The following MSI1 variants were observed in gnomAD, a reference collection of about 807,000 sequenced individuals.
MSI1 encodes musashi RNA binding protein 1.
In MSI1, 15 loss-of-function variants were observed where a neutral mutation model predicts 54.4. That is an observed-to-expected ratio of 0.28 (90% CI 0.18 to 0.42). The LOEUF (loss-of-function observed/expected upper bound fraction) is 0.42. MSI1 is among the 20% of genes least tolerant of loss of function. The pLI, the probability that MSI1 is intolerant of heterozygous loss-of-function variation, is 1.00. For missense variants in MSI1, 304 were observed against 506.0 expected, an observed-to-expected ratio of 0.60 and a Z score of 3.83; for synonymous variants, 200 against 196.5, an observed-to-expected ratio of 1.02 and a Z score of -0.15.
chr12:120,349,932 T>C (rs1444080446), intron 11 of MSI1, among the ~76,000 whole-genome samples: 1 of 152,226 alleles, frequency 6.6e-6, no homozygotes, highest in Admixed American at 6.5e-5. Context: ...ATATAATAAG[T>C]ATTTGCTCCC....
At chr12:120,364,788 G>C in intron 4 of MSI1, 33 bp from the exon 5 acceptor site, 1 of 1,578,184 alleles carries the variant, frequency 6.3e-7, no homozygotes, top group South Asian at 1.2e-5. Context: ...AAGGGGTCTT[G>C]GTTATCGCAT....
chr12:120,347,059 C>T (rs1237201745), intron 12 of MSI1, among the ~76,000 whole-genome samples: 8 of 152,170 alleles, frequency 5.3e-5, no homozygotes, highest in African/African-American at 1.9e-4. Context: ...AAGCGATTCT[C>T]CTGCCTTGGC....
downstream of MSI1, among the ~76,000 whole-genome samples, chr12:120,340,109 GAC>G (rs1269710539): frequency 7.1e-6 from 1 of 140,072 alleles, no homozygotes; most frequent in African/African-American, 2.6e-5. Context: ...TTTTCTTTGA[GAC>G]AGTCTCACTC....
At chr12:120,360,955 A>G (rs1056875632) in intron 6 of MSI1, among the ~76,000 whole-genome samples, 1 of 152,006 alleles carries the variant, frequency 6.6e-6, no homozygotes, top group Non-Finnish European at 1.5e-5. Context: ...AAGCCTGGCT[A>G]TGAGAGGATT....
chr12:120,353,046 G>A (rs1874767417), intron 10 of MSI1, among the ~76,000 whole-genome samples: 1 of 151,920 alleles, frequency 6.6e-6, no homozygotes, highest in South Asian at 2.1e-4. Context: ...AGACAGGCAG[G>A]AGGCAGGCAG....
rs537867010 is a variant in MSI1, at chr12:120,366,483, C to T, written c.267+1525G>A. Among the ~76,000 whole-genome samples, 22 of 152,212 alleles carry T rather than the reference C, an allele frequency of 1.4e-4. No individual in the cohort carries two copies. The South Asian group carries it at 4.3e-3, about 30-fold the overall frequency. On this transcript the variant is annotated intron_variant, in intron 4 of 14. Coordinates refer to ENST00000257552, the MANE Select transcript of MSI1 (RefSeq NM_002442.4). The stretch of plus-strand genomic sequence containing the variant: ...TCCTTCTCTTTCTCCCAGAAGCAGC[C>T]GCCCCAGCCACCAGCGCACCACACA...
chr12:120,364,789 G>A (rs781413758), intron 4 of MSI1, 34 bp from the exon 5 acceptor site: 1 of 1,577,432 alleles, frequency 6.3e-7, no homozygotes, highest in Non-Finnish European at 8.6e-7. Flanking sequence ...AGGGGTCTTG[G>A]TTATCGCATT....
At chr12:120,345,500 C>T in intron 14 of MSI1, 70 bp downstream of exon 14, 1 of 1,407,986 alleles carries the variant, frequency 7.1e-7, no homozygotes, top group Non-Finnish European at 1.0e-6. Context: ...GGGTCTGTGT[C>T]CCAGATTCGA....
In MSI1 at chr12:120,368,845, GC is replaced by G; in HGVS notation, c.87del (p.Trp29CysfsTer18). The G allele has an allele frequency of 1.4e-6, 2 of 1,465,314 alleles. No homozygotes were observed. Among genetic ancestry groups the G allele is most frequent in the Non-Finnish European group, 1.8e-6 (2 of 1,098,204 alleles). 90.8% of individuals were successfully genotyped at this position (1,465,314 alleles called of 1,614,324 possible). ...PCKMFIGGLS[W>X]QTTQEGLREY... The stretch of plus-strand genomic sequence containing the variant: ...CGGGCTCGCTCACCCTGCGTAGTCT[GC>G]CAACTGAGTCCCCCGATGAACATCT... On this transcript the variant is annotated frameshift_variant, in exon 2 of 15. Transcript: ENST00000257552. LOFTEE classifies it high-confidence loss of function. This position sits in a 1 kb window ranked among gnomAD's most constrained non-coding sequence, Gnocchi z 6.6.
At chr12:120,352,912 T>C (rs1290104362) in intron 10 of MSI1, among the ~76,000 whole-genome samples, 1 of 152,182 alleles carries the variant, frequency 6.6e-6, no homozygotes, top group East Asian at 1.9e-4. Flanking sequence ...GAGCTCAGCC[T>C]AGAGCCTGGC....
Position 120,347,516 on chromosome 12 carries a change from T to C in MSI1, c.791-2A>G. ...GTCCGTAGGCAGTGAGAGGAATGGC[T>C]GAAAGGAAAGGGATGGGCACATCAG... On this transcript the variant is annotated splice_acceptor_variant, in intron 11 of 14. Coordinates refer to ENST00000257552, the MANE Select transcript of MSI1 (RefSeq NM_002442.4). LOFTEE classifies it high-confidence loss of function. 1 of 1,613,948 alleles carries C rather than the reference T, an allele frequency of 6.2e-7. No homozygotes were observed. Among genetic ancestry groups the C allele is most frequent in the Non-Finnish European group, 8.5e-7 (1 of 1,180,010 alleles).
At position 120,357,608 on chromosome 12, in the gene MSI1, C is replaced by T. The variant is rs138398871; in HGVS notation, c.534+208G>A. 9.3e-4 allele frequency among the ~76,000 whole-genome samples: 142 copies of T among 152,292 alleles called. 2 individuals are homozygous for T. The highest frequency in any genetic ancestry group is 5.3e-3 in the Admixed American group (81 of 15,304). On this transcript the variant is annotated intron_variant, in intron 8 of 14. Transcript: ENST00000257552. The stretch of plus-strand genomic sequence containing the variant: ...GCAACCTCCACCTCCCGGGTTCAAG[C>T]GATTCTCCTGCCTCAGCCTCCCAAG...
chr12:120,340,886 C>CTTTT (rs34926125), downstream of MSI1, among the ~76,000 whole-genome samples: 3 of 119,456 alleles, frequency 2.5e-5, no homozygotes, highest in Non-Finnish European at 3.4e-5. Flanking sequence ...TTCTCCTATT[C>CTTTT]TTTTTTTTTT....
chr12:120,343,487 G>A (rs1285323436), intron 14 of MSI1, among the ~76,000 whole-genome samples: 1 of 152,162 alleles, frequency 6.6e-6, no homozygotes, highest in Non-Finnish European at 1.5e-5. Context: ...GCCTCCCAAA[G>A]ATCTGGGATT....
chr12:120,367,079 G>T (rs1876062657), intron 4 of MSI1, among the ~76,000 whole-genome samples: 1 of 152,178 alleles, frequency 6.6e-6, no homozygotes, highest in Non-Finnish European at 1.5e-5. Context: ...GAGCCACTGG[G>T]CAGAGATAAC....
At chr12:120,353,807 C>T (rs757902033) in intron 9 of MSI1, among the ~76,000 whole-genome samples, 4 of 152,108 alleles carry the variant, frequency 2.6e-5, no homozygotes, top group African/African-American at 4.8e-5. Context: ...CATGCTGGTG[C>T]CTTTGCCTGG....
At chr12:120,352,234 T>C (rs1006053688) in intron 10 of MSI1, among the ~76,000 whole-genome samples, 2 of 152,022 alleles carry the variant, frequency 1.3e-5, no homozygotes, top group African/African-American at 4.8e-5. Context: ...CTCAAACTCA[T>C]GGGCTCAAGC....
At chr12:120,364,366 C>T (rs1369694327) in intron 5 of MSI1, among the ~76,000 whole-genome samples, 2 of 152,092 alleles carry the variant, frequency 1.3e-5, no homozygotes. Flanking sequence ...TATTTCACTT[C>T]CAGAGGCCTG....
chr12:120,359,083 G>A, intron 6 of MSI1, 30 bp from the exon 7 acceptor site: 1 of 1,552,282 alleles, frequency 6.4e-7, no homozygotes, highest in Non-Finnish European at 8.7e-7. Flanking sequence ...GGAGGACCCA[G>A]CAGATACCAG....
Sources: allele counts gnomAD v4.1 joint callset (sites outside exome capture counted in the v4.1 genomes callset), GRCh38; gene constraint gnomAD v4.1.1; non-coding constraint Gnocchi (gnomAD v3.1); transcripts MANE v1.5; gene names NCBI Gene and HGNC (gene_info 2026-07-23, HGNC 2026-07-21).